Variants in SPINT2 observed in about 807,000 individuals in gnomAD.
The protein encoded by SPINT2 is kunitz-type protease inhibitor 2.
A neutral mutation model predicts 30.1 loss-of-function variants in SPINT2; 18 were observed. That is an observed-to-expected ratio of 0.60 (90% confidence interval 0.41 to 0.89). The LOEUF (loss-of-function observed/expected upper bound fraction) is 0.89. SPINT2 is among the 40% of genes least tolerant of loss of function. The pLI is 0.00. For synonymous variants in SPINT2, 139 were observed against 137.9 expected (o/e 1.01, Z -0.05); for missense variants, 276 against 334.3 (o/e 0.83, Z 1.36).
Position 38,292,023 on chromosome 19 carries a change from A to G in SPINT2, c.*17A>G. On this transcript the variant is annotated 3_prime_UTR_variant, in exon 7 of 7. Transcript: ENST00000301244. The stretch of plus-strand genomic sequence containing the variant: ...GTCCTGTGACCGCCCTGTCGCCAAG[A>G]GGACTGGGGAAGGGAGGGGAGACTA... The G allele has an allele frequency of 6.2e-7, 1 of 1,613,704 alleles. No homozygotes were observed. The highest frequency in any genetic ancestry group is 8.5e-7 in the Non-Finnish European group (1 of 1,179,898).
chr19:38,275,790 A>G lies in SPINT2; in HGVS notation c.107-7837A>G, dbSNP rs563755838. On this transcript the variant is annotated intron_variant, in intron 1 of 6. Coordinates refer to ENST00000301244, the MANE Select transcript of SPINT2 (RefSeq NM_021102.4). ...CTCTTGTTGCCCAGGCTGGAGTGCA[A>G]TGGATCAGCTCACTGCAACCTGTGC... is the stretch of plus-strand genomic sequence containing the variant. 1.4e-4 allele frequency among the ~76,000 whole-genome samples: 21 copies of G among 149,704 alleles called. No homozygotes were observed. In the East Asian group the frequency reaches 3.4e-3, roughly 24 times the overall value.
intron 1 of SPINT2, among the ~76,000 whole-genome samples, chr19:38,276,471 G>A (rs1437041549): frequency 2.6e-5 from 4 of 151,966 alleles, no homozygotes; most frequent in African/African-American, 9.7e-5. Flanking sequence ...GTGAAACCCT[G>A]TCTCTACTAA....
chr19:38,287,732 G>A (rs1202886090), intron 2 of SPINT2, 144 bp from the exon 3 acceptor site: 3 of 873,906 alleles, frequency 3.4e-6, no homozygotes, highest in African/African-American at 1.6e-5. Flanking sequence ...TTATTTCCAA[G>A]TTGTGGTCTG....
In SPINT2 at chr19:38,290,470, G is replaced by C; in HGVS notation, c.554-67G>C. On this transcript the variant is annotated intron_variant, in intron 5 of 6. Transcript: ENST00000301244. The surrounding 1 kb of genome is among the most constrained non-coding windows in gnomAD (Gnocchi z 4.3). ...TCCCCATGGAGGCCCTGGCTGAGGG[G>C]ATCCCCTGCGGCAGCTCTGTGGAAT... 6.2e-7 allele frequency: 1 copy of C among 1,613,054 alleles called. No individual in the cohort carries two copies. Among genetic ancestry groups the C allele is most frequent in the Non-Finnish European group, 8.5e-7 (1 of 1,179,470 alleles).
intron 1 of SPINT2, among the ~76,000 whole-genome samples, chr19:38,269,641 CGCTCTGTCGCCCAGGCCGGAGTGCAGTG>C (rs1968425814): frequency 7.6e-6 from 1 of 131,364 alleles, no homozygotes; most frequent in Non-Finnish European, 1.6e-5. Flanking sequence ...CGGAGTGTCT[CGCTCTGTCGCCCAGGCCGGAGTGCAGTG>C]GCGCGTTCTC....
At chr19:38,282,728 T>G (rs1968593776) in intron 1 of SPINT2, among the ~76,000 whole-genome samples, 2 of 152,200 alleles carry the variant, frequency 1.3e-5, no homozygotes, top group Non-Finnish European at 2.9e-5. Flanking sequence ...GGGTAGGACC[T>G]GTGTTGTCTT....
chr19:38,276,265 GCT>G (rs1159642173), intron 1 of SPINT2, among the ~76,000 whole-genome samples: 28 of 152,318 alleles, frequency 1.8e-4, no homozygotes, highest in African/African-American at 6.7e-4. Flanking sequence ...GAGGCAAGAA[GCT>G]CTTGTGCCTC....
chr19:38,292,056 G>A lies in SPINT2; in HGVS notation c.*50G>A, dbSNP rs2146281314. 1 of 1,604,530 alleles carries A rather than the reference G, an allele frequency of 6.2e-7. No individual in the cohort carries two copies. The highest frequency in any genetic ancestry group is 8.5e-7 in the Non-Finnish European group (1 of 1,175,752). Reference sequence around the variant, plus strand: ...GGAAGGGAGGGGAGACTATGTGTGAGCTTTTTTTAAATAGAGGGATTGACT... The same window carrying A: ...GGAAGGGAGGGGAGACTATGTGTGAACTTTTTTTAAATAGAGGGATTGACT... On this transcript the variant is annotated 3_prime_UTR_variant, in exon 7 of 7. Coordinates refer to ENST00000301244, the MANE Select transcript of SPINT2 (RefSeq NM_021102.4).
rs35633044 is a variant in SPINT2 at position 38,274,812 on chromosome 19, T to TAAAAA, written c.107-8804_107-8800dup. Among the ~76,000 whole-genome samples the TAAAAA allele has an allele frequency of 1.6e-3, 228 of 140,000 alleles. 1 individual carries two copies. Among genetic ancestry groups the TAAAAA allele is most frequent in the East Asian group, 4.9e-3 (24 of 4,858 alleles). The allele number at this position is 140,000 out of a possible 152,430, so 91.8% of individuals were successfully genotyped here. ...CCTGGACGACAGAGTGAGACTGTCT[T>TAAAAA]AAAAAAAAAAAAAAACATAAAATGG... On this transcript the variant is annotated intron_variant, in intron 1 of 6. Coordinates refer to ENST00000301244, the MANE Select transcript of SPINT2 (RefSeq NM_021102.4).
intron 1 of SPINT2, among the ~76,000 whole-genome samples, chr19:38,277,978 A>G (rs1489079625): frequency 2.0e-5 from 3 of 152,244 alleles, no homozygotes; most frequent in Non-Finnish European, 4.4e-5. Context: ...ATTTGTGAGC[A>G]TACAAAATAG....
At chr19:38,289,267 T>C (rs1199289500) in intron 4 of SPINT2, 76 bp downstream of exon 4, 1 of 1,285,592 alleles carries the variant, frequency 7.8e-7, no homozygotes, top group Non-Finnish European at 1.1e-6. Flanking sequence ...GGTGGGCGGA[T>C]CACGAGGTCA....
Position 38,290,621 on chromosome 19 carries a change from C to CGCCA in SPINT2, c.592+46_592+47insGCCA. On this transcript the variant is annotated intron_variant, in intron 6 of 6. Transcript: ENST00000301244. This position sits in a 1 kb window ranked among gnomAD's most constrained non-coding sequence, Gnocchi z 4.3. ...CTCCTGCCATCAGCCTGCCTCCTCC[C>CGCCA]TTCCTTGACTGAGCTCAGCCCTGCC... 6.2e-7 allele frequency: 1 copy of CGCCA among 1,605,148 alleles called. No individual in the cohort carries two copies. Among genetic ancestry groups the CGCCA allele is most frequent in the Non-Finnish European group, 8.5e-7 (1 of 1,175,692 alleles).
chr19:38,266,475 A>G (rs983772245), intron 1 of SPINT2, among the ~76,000 whole-genome samples: 4 of 152,094 alleles, frequency 2.6e-5, no homozygotes, highest in African/African-American at 9.7e-5. Flanking sequence ...CAGGAGTTCA[A>G]CACCACCCTA....
rs551764131 is a variant in SPINT2, at chr19:38,291,852, C to T, written c.605C>T (p.Ala202Val). 233 of 1,612,504 alleles carry T rather than the reference C, an allele frequency of 1.4e-4. 1 individual carries two copies. In the South Asian group the frequency reaches 1.8e-3, roughly 13 times the overall value. The change falls in exon 7 of 7, where the codon GCG becomes GTG. Residue 202 changes from alanine to valine, a missense_variant. Transcript: ENST00000301244. Reference protein sequence around the residue: ...LPLGSKVVVLAGLFVMVLILF... With the variant: ...LPLGSKVVVLVGLFVMVLILF... Reference sequence around the variant, plus strand: ...CTCTCGTCCTCAGTGGTGGTTCTGGCGGGGCTGTTCGTGATGGTGTTGATC... The same window carrying T: ...CTCTCGTCCTCAGTGGTGGTTCTGGTGGGGCTGTTCGTGATGGTGTTGATC...
intron 1 of SPINT2, among the ~76,000 whole-genome samples, chr19:38,267,634 G>C (rs1402744634): frequency 7.1e-6 from 1 of 140,260 alleles, no homozygotes; most frequent in African/African-American, 2.5e-5. Flanking sequence ...GTCTAGGTGT[G>C]ACCCTGAGAG....
chr19:38,283,674 C>T lies in SPINT2; in HGVS notation c.154C>T (p.Pro52Ser). 1 of 1,614,078 alleles carries T rather than the reference C, an allele frequency of 6.2e-7. No homozygotes were observed. Among genetic ancestry groups the T allele is most frequent in the Non-Finnish European group, 8.5e-7 (1 of 1,180,026 alleles). Residue 52 changes from proline to serine, a missense_variant, in exon 2 of 7, where the codon CCT becomes TCT. Transcript: ENST00000301244. ...KVVGRCRASMPRWWYNVTDGS... is the reference protein window; with the variant it reads ...KVVGRCRASMSRWWYNVTDGS... The stretch of plus-strand genomic sequence containing the variant: ...GGTGGGCAGATGCCGGGCCTCCATG[C>T]CTAGGTGGTGGTACAATGTCACTGA...
chr19:38,283,662 C>G lies in SPINT2; in HGVS notation c.142C>G (p.Arg48Gly). ...GGTGTCGAAGGTGGTGGGCAGATGC[C>G]GGGCCTCCATGCCTAGGTGGTGGTA... ...CLVSKVVGRC[R>G]ASMPRWWYNV... The change falls in exon 2 of 7, where the codon CGG becomes GGG. Residue 48 changes from arginine (R) to glycine (G), a missense_variant. Physicochemically the swap from Arg to Gly is moderately radical, Grantham distance 125. Coordinates refer to ENST00000301244, the MANE Select transcript of SPINT2 (RefSeq NM_021102.4). 6.2e-7 allele frequency: 1 copy of G among 1,613,988 alleles called. No individual in the cohort carries two copies. The highest frequency in any genetic ancestry group is 8.5e-7 in the Non-Finnish European group (1 of 1,180,000).
chr19:38,265,103 T>A, intron 1 of SPINT2, 105 bp downstream of exon 1: 10 of 747,540 alleles, frequency 1.3e-5, no homozygotes, highest in Non-Finnish European at 1.9e-5. Context: ...AACTGGGGGC[T>A]ACTTGATGGC....
intron 4 of SPINT2, chr19:38,289,918 A>G (rs933961254): frequency 1.6e-6 from 1 of 638,024 alleles, no homozygotes; most frequent in South Asian, 1.8e-5. Context: ...GCAGCCTTCA[A>G]AGCTCCGAAG....
Sources: gnomAD v4.1 joint callset for allele counts (sites outside exome capture counted in the v4.1 genomes callset) on GRCh38, gnomAD v4.1.1 for gene constraint, Gnocchi (gnomAD v3.1) non-coding constraint, MANE v1.5 for transcripts, NCBI Gene and HGNC (gene_info 2026-07-23, HGNC 2026-07-21) for gene names.